Variants in ZMIZ2 observed in about 807,000 individuals in gnomAD.
ZMIZ2 encodes zinc finger MIZ-type containing 2.
Under a neutral mutation model 93.9 loss-of-function variants are expected in ZMIZ2, and 26 were observed. The observed-to-expected ratio is 0.28, with a 90% CI of 0.20 to 0.38. The LOEUF is 0.38. Ranked by LOEUF, ZMIZ2 falls within the 10% of genes least tolerant of loss-of-function variation. ZMIZ2 has a pLI of 1.00. For synonymous variants in ZMIZ2, 485 were observed against 516.4 expected, an observed-to-expected ratio of 0.94 and a Z score of 0.82; for missense variants, 1,023 against 1,235.0, an observed-to-expected ratio of 0.83 and a Z score of 2.57.
chr7:44,749,786 G>A (rs1427278117), intron 1 of ZMIZ2: 1 of 152,204 alleles, frequency 6.6e-6, no homozygotes, highest in African/African-American at 2.4e-5. Flanking sequence ...GAACATCCAT[G>A]GTGGTGTCTT....
At position 44,757,838 on chromosome 7, in the gene ZMIZ2, C is replaced by G. The variant is rs781633758; in HGVS notation, c.553-10C>G. On this transcript the variant is annotated splice_polypyrimidine_tract_variant and intron_variant, in intron 5 of 18. Transcript: ENST00000309315. The stretch of plus-strand genomic sequence containing the variant: ...GGGACCTGGACCATTCTTCTTTTTT[C>G]TCTTCCTAGATGGGGGCCGGACAGT... The G allele has an allele frequency of 3.3e-6, 5 of 1,537,012 alleles. No homozygotes were observed. Among genetic ancestry groups the G allele is most frequent in the Non-Finnish European group, 1.8e-6 (2 of 1,142,274 alleles).
At chr7:44,760,649 G>T in intron 9 of ZMIZ2, 56 bp downstream of exon 9, 1 of 1,599,440 alleles carries the variant, frequency 6.3e-7, no homozygotes, top group Non-Finnish European at 8.5e-7. Context: ...GGGCATGGGG[G>T]AATCACAGGA....
Position 44,766,766 on chromosome 7 carries a change from G to A in ZMIZ2, c.2655+103G>A. The A allele has an allele frequency of 6.5e-7, 1 of 1,533,006 alleles. No homozygotes were observed. The allele number at this position is 1,533,006 out of a possible 1,614,324, so 95.0% of individuals were successfully genotyped here. Reference sequence around the variant, plus strand: ...GAAGGGAAGACAGTGACCCCTCAGAGAGCCGGTCAGATAAGGTCAACTAAA... The same window carrying A: ...GAAGGGAAGACAGTGACCCCTCAGAAAGCCGGTCAGATAAGGTCAACTAAA... On this transcript the variant is annotated intron_variant, in intron 18 of 18. Transcript: ENST00000309315. This position sits in a 1 kb window ranked among gnomAD's most constrained non-coding sequence, Gnocchi z 4.4.
intron 1 of ZMIZ2, among the ~76,000 whole-genome samples, chr7:44,753,536 G>A (rs1790339738): frequency 6.6e-6 from 1 of 152,226 alleles, no homozygotes; most frequent in Non-Finnish European, 1.5e-5. Context: ...GTGAGCCACT[G>A]TGCCTGGCTG....
Position 44,759,215 on chromosome 7 carries a change from CT to C in ZMIZ2, c.814-64del, listed in dbSNP as rs139333097. On this transcript the variant is annotated intron_variant, in intron 6 of 18. Coordinates refer to ENST00000309315, the MANE Select transcript of ZMIZ2 (RefSeq NM_031449.4). The stretch of plus-strand genomic sequence containing the variant: ...GAACCCTGCCACACATGAGACTCTA[CT>C]TCCTTCTGGAACCAGCTCCCCTGAT... 1.5e-4 allele frequency: 207 copies of C among 1,395,156 alleles called. 1 individual carries two copies. The highest frequency in any genetic ancestry group is 7.7e-4 in the Middle Eastern group (4 of 5,224). The allele number at this position is 1,395,156 out of a possible 1,614,324, so 86.4% of individuals were successfully genotyped here.
At chr7:44,753,889 C>T (rs1409899291) in intron 1 of ZMIZ2, among the ~76,000 whole-genome samples, 1 of 151,976 alleles carries the variant, frequency 6.6e-6, no homozygotes, top group Non-Finnish European at 1.5e-5. Flanking sequence ...GTTTTGATGC[C>T]CAGTTGCTCC....
At position 44,756,451 on chromosome 7, in the gene ZMIZ2, T is replaced by C. The variant is rs1440898156; in HGVS notation, c.77T>C (p.Val26Ala). 4 of 1,614,100 alleles carry C rather than the reference T, an allele frequency of 2.5e-6. No homozygotes were observed. The highest frequency in any genetic ancestry group is 3.4e-6 in the Non-Finnish European group (4 of 1,180,020). ...GATGGTTCATTCGCATATGAGTCTGTGCCTTGGCAACAAAGCGCCACTCAG... is the reference window on the plus strand; with the variant it reads ...GATGGTTCATTCGCATATGAGTCTGCGCCTTGGCAACAAAGCGCCACTCAG... ...HGDGSFAYES[V>A]PWQQSATQPA... Residue 26 changes from valine to alanine, a missense_variant, in exon 3 of 19, where the codon GTG becomes GCG. Around this residue, in one of 3 missense-constraint regions of ZMIZ2, gnomAD observed 656 missense variants for 777.1 expected, o/e 0.84. Coordinates refer to ENST00000309315, the MANE Select transcript of ZMIZ2 (RefSeq NM_031449.4).
At chr7:44,750,474 T>G (rs1401162846) in intron 1 of ZMIZ2, among the ~76,000 whole-genome samples, 1 of 152,164 alleles carries the variant, frequency 6.6e-6, no homozygotes, top group East Asian at 1.9e-4. Flanking sequence ...GACTCCATTG[T>G]CACCTGGGTT....
chr7:44,767,445 G>A lies in ZMIZ2; in HGVS notation c.2656-71G>A, dbSNP rs1016116883. The A allele has an allele frequency of 3.9e-6, 5 of 1,280,372 alleles. No homozygotes were observed. The African/African-American group carries it at 5.9e-5, about 15-fold the overall frequency. The allele number at this position is 1,280,372 out of a possible 1,614,324, so 79.3% of individuals were successfully genotyped here. ...TGCCTGGAGACAGGGCCGGGATGTGGTGACAGGATGGTCACTCAGGTGTGG... is the reference window on the plus strand; with the variant it reads ...TGCCTGGAGACAGGGCCGGGATGTGATGACAGGATGGTCACTCAGGTGTGG... On this transcript the variant is annotated intron_variant, in intron 18 of 18. Transcript: ENST00000309315.
In ZMIZ2 at chr7:44,766,373, C is replaced by A. The variant is rs1791708868; in HGVS notation, c.2412+40C>A. ...GAGAGGCCAAGGGGCCCTGTCTCCC[C>A]AGGGGAGCCCCTGAGCTGTTTTAAC... On this transcript the variant is annotated intron_variant, in intron 17 of 18. Transcript: ENST00000309315. This position sits in a 1 kb window ranked among gnomAD's most constrained non-coding sequence, Gnocchi z 4.4. 1 of 1,610,778 alleles carries A rather than the reference C, an allele frequency of 6.2e-7. No individual in the cohort carries two copies.
intron 1 of ZMIZ2, among the ~76,000 whole-genome samples, chr7:44,750,743 C>T (rs1397090202): frequency 6.6e-6 from 1 of 152,132 alleles, no homozygotes. Flanking sequence ...CCCGAGAAAG[C>T]CTTGTGGCCC....
chr7:44,765,821 C>A lies in ZMIZ2; in HGVS notation c.2242+242C>A. The A allele has an allele frequency of 9.4e-7, 1 of 1,060,502 alleles. No individual in the cohort carries two copies. Among genetic ancestry groups the A allele is most frequent in the Non-Finnish European group, 1.3e-6 (1 of 762,632 alleles). The allele number at this position is 1,060,502 out of a possible 1,614,324, so 65.7% of individuals were successfully genotyped here. On this transcript the variant is annotated intron_variant, in intron 16 of 18. Transcript: ENST00000309315. The surrounding 1 kb of genome is among the most constrained non-coding windows in gnomAD (Gnocchi z 4.1). ...GACAGTGGGGCCTCCACCCTTCCTT[C>A]CCCGTTTGGATTAAGGGGCTCCTGG...
Position 44,757,497 on chromosome 7 carries a change from C to T in ZMIZ2, c.488C>T (p.Thr163Ile). Residue 163 changes from threonine (T) to isoleucine (I), a missense_variant, in exon 5 of 19, where the codon ACA becomes ATA. Physicochemically the swap from Thr to Ile is moderately conservative, Grantham distance 89. Around this residue, in one of 3 missense-constraint regions of ZMIZ2, gnomAD observed 656 missense variants for 777.1 expected, o/e 0.84. Transcript: ENST00000309315. ...VAAAAATATA[T>I]ATATVAALQE... ...GCTGCGGCAGCCACTGCCACCGCCA[C>T]AGCCACAGCCACCGTGGCTGCTCTC... 6.2e-7 allele frequency: 1 copy of T among 1,608,182 alleles called. No individual in the cohort carries two copies. Among genetic ancestry groups the T allele is most frequent in the Non-Finnish European group, 8.5e-7 (1 of 1,179,348 alleles).
At position 44,761,706 on chromosome 7, in the gene ZMIZ2, A is replaced by G; in HGVS notation, c.1397A>G (p.Glu466Gly). 1.2e-6 allele frequency: 2 copies of G among 1,613,988 alleles called. No individual in the cohort carries two copies. The highest frequency in any genetic ancestry group is 2.2e-5 in the South Asian group (2 of 91,086). The change falls in exon 11 of 19, where the codon GAG becomes GGG. Residue 466 changes from glutamate to glycine, a missense_variant. By Grantham distance (98) the Glu-to-Gly change is moderately conservative. Coordinates refer to ENST00000309315, the MANE Select transcript of ZMIZ2 (RefSeq NM_031449.4). The surrounding 1 kb of genome is among the most constrained non-coding windows in gnomAD (Gnocchi z 5.8). The part of the protein sequence containing the change: ...YKTLIMRPDL[E>G]LQFKCYHHED... ...ATCTTCCTGAGCAGGCCTGACCTGG[A>G]GCTGCAATTCAAGTGCTACCACCAC...
At chr7:44,760,685 G>T in intron 9 of ZMIZ2, 92 bp downstream of exon 9, 2 of 1,477,232 alleles carry the variant, frequency 1.4e-6, no homozygotes, top group Non-Finnish European at 1.8e-6. Context: ...TAGGAGCTTG[G>T]GGGACAGGGG....
intron 1 of ZMIZ2, among the ~76,000 whole-genome samples, chr7:44,753,609 C>T (rs1186148269): frequency 6.6e-6 from 1 of 152,166 alleles, no homozygotes; most frequent in Non-Finnish European, 1.5e-5. Flanking sequence ...AAATATTTCT[C>T]CTGGCCTGTA....
At position 44,763,314 on chromosome 7, in the gene ZMIZ2, C is replaced by T. The variant is rs778824056; in HGVS notation, c.1761C>T (p.Asp587=). 34 of 1,613,974 alleles carry T rather than the reference C, an allele frequency of 2.1e-5. No homozygotes were observed. Among genetic ancestry groups the T allele is most frequent in the Middle Eastern group, 3.3e-4 (2 of 6,084 alleles). ...IPGTPGPNGE[D]GVEQTAIKVS... ...GCACCCCTGGGCCCAACGGAGAGGA[C>T]GGGGTGGAGCAGACAGCTATCAAGG... Residue 587 remains aspartate, a synonymous_variant, in exon 13 of 19, where the codon GAC becomes GAT. Coordinates refer to ENST00000309315, the MANE Select transcript of ZMIZ2 (RefSeq NM_031449.4). The surrounding 1 kb of genome is among the most constrained non-coding windows in gnomAD (Gnocchi z 5.6).
rs1485809038 is a variant in ZMIZ2, at chr7:44,764,931, T to C, written c.1929-10T>C. The stretch of plus-strand genomic sequence containing the variant: ...AGGTCTCTGAGCTGTGTCCCTTTTT[T>C]TCCCCACAGCAAGACAGCTTTGCTG... On this transcript the variant is annotated splice_polypyrimidine_tract_variant and intron_variant, in intron 14 of 18. Transcript: ENST00000309315. 3 of 1,614,180 alleles carry C rather than the reference T, an allele frequency of 1.9e-6. No homozygotes were observed. The highest frequency in any genetic ancestry group is 1.7e-6 in the Non-Finnish European group (2 of 1,180,000).
chr7:44,759,903 CGG>C, intron 7 of ZMIZ2: 1 of 554,842 alleles, frequency 1.8e-6, no homozygotes, highest in Non-Finnish European at 3.2e-6. Flanking sequence ...CTGGGTGCGC[CGG>C]GTGGTGCAGC....
Sources: gnomAD v4.1 joint callset for allele counts (sites outside exome capture counted in the v4.1 genomes callset) on GRCh38, gnomAD v4.1.1 for gene constraint, gnomAD v4.1.1 regional missense constraint, Gnocchi (gnomAD v3.1) non-coding constraint, MANE v1.5 for transcripts, NCBI Gene and HGNC (gene_info 2026-07-23, HGNC 2026-07-21) for gene names.